The following MAGI2 variants were observed in gnomAD, a reference collection of about 807,000 sequenced individuals.
MAGI2 encodes membrane associated guanylate kinase, WW and PDZ domain containing 2.
In MAGI2, 35 loss-of-function variants were observed where a neutral mutation model predicts 133.3. The observed-to-expected ratio is 0.26, with a 90% CI of 0.20 to 0.35. The LOEUF is 0.35. Among genes scored for constraint, MAGI2 ranks in the 10% least tolerant of loss-of-function variants. The probability of loss-of-function intolerance (pLI) is 1.00; values close to 1 mark genes in which losing one functional copy is unlikely to be tolerated. For synonymous variants in MAGI2, 729 were observed against 710.6 expected (o/e 1.03, Z -0.41); for missense variants, 1,636 against 1,863.4 (o/e 0.88, Z 2.25).
At chr7:79,211,862 T>C (rs972529591) in intron 1 of MAGI2, among the ~76,000 whole-genome samples, 2 of 152,048 alleles carry the variant, frequency 1.3e-5, no homozygotes, top group Non-Finnish European at 2.9e-5. Flanking sequence ...TAGAGTGATA[T>C]GCCCTTTTGA....
At chr7:78,194,400 T>C (rs1219050223) in intron 12 of MAGI2, among the ~76,000 whole-genome samples, 1 of 152,204 alleles carries the variant, frequency 6.6e-6, no homozygotes, top group Non-Finnish European at 1.5e-5. Context: ...AGATCAGTAC[T>C]GCATTCGAAA....
At chr7:78,782,766 C>T (rs1417821289) in intron 2 of MAGI2, among the ~76,000 whole-genome samples, 1 of 152,034 alleles carries the variant, frequency 6.6e-6, no homozygotes, top group Non-Finnish European at 1.5e-5. Context: ...AAACGTGGTG[C>T]CGAACAGCTT....
intron 6 of MAGI2, among the ~76,000 whole-genome samples, chr7:78,387,840 C>T (rs367935814): frequency 6.6e-6 from 1 of 151,950 alleles, no homozygotes; most frequent in East Asian, 1.9e-4. Flanking sequence ...GTGGGAGGAG[C>T]GCTTAAGCCC....
chr7:79,128,474 A>T (rs1197390120), intron 1 of MAGI2, among the ~76,000 whole-genome samples: 2 of 152,200 alleles, frequency 1.3e-5, no homozygotes, highest in African/African-American at 4.8e-5. Context: ...ACACAGTGTC[A>T]CTGTCACTGT....
chr7:78,270,856 C>T (rs1794495554), intron 9 of MAGI2, among the ~76,000 whole-genome samples: 1 of 152,186 alleles, frequency 6.6e-6, no homozygotes, highest in Non-Finnish European at 1.5e-5. Context: ...AGCAACACGT[C>T]TTATTTATTC....
chr7:78,175,597 G>A (rs552003009), intron 14 of MAGI2, among the ~76,000 whole-genome samples: 2 of 152,260 alleles, frequency 1.3e-5, no homozygotes, highest in Admixed American at 6.5e-5. Context: ...AGTGCACGGC[G>A]AACCTACTAC....
chr7:78,576,032 G>A (rs1243067686), intron 3 of MAGI2, among the ~76,000 whole-genome samples: 4 of 151,920 alleles, frequency 2.6e-5, no homozygotes, highest in Non-Finnish European at 4.4e-5. Flanking sequence ...TACTATTTTT[G>A]TACATAAATA....
chr7:78,399,467 AT>A (rs1237388693), intron 6 of MAGI2, among the ~76,000 whole-genome samples: 1 of 152,174 alleles, frequency 6.6e-6, no homozygotes, highest in Non-Finnish European at 1.5e-5. Context: ...AAGAAGCACT[AT>A]TTGCATCAGT....
chr7:78,876,187 G>T (rs1483661055), intron 2 of MAGI2, among the ~76,000 whole-genome samples: 2 of 151,850 alleles, frequency 1.3e-5, no homozygotes. Flanking sequence ...GCCAGGTGTG[G>T]TGGTGGGCAC....
At chr7:78,535,875 C>A (rs79722559) in intron 3 of MAGI2, among the ~76,000 whole-genome samples, 1 of 124,234 alleles carries the variant, frequency 8.0e-6, no homozygotes, top group Non-Finnish European at 1.8e-5. Flanking sequence ...TGTGTACACC[C>A]CCCCCGCCCA....
intron 9 of MAGI2, among the ~76,000 whole-genome samples, chr7:78,325,294 G>A (rs1035201009): frequency 6.6e-6 from 1 of 152,142 alleles, no homozygotes; most frequent in African/African-American, 2.4e-5. Context: ...CTATGAAACT[G>A]AGAACCAATT....
At chr7:79,236,443 G>T (rs187544212) in intron 1 of MAGI2, among the ~76,000 whole-genome samples, 1 of 152,184 alleles carries the variant, frequency 6.6e-6, no homozygotes, top group African/African-American at 2.4e-5. Flanking sequence ...CAATAATTGC[G>T]TATAAGGCTG....
intron 3 of MAGI2, among the ~76,000 whole-genome samples, chr7:78,560,280 G>A (rs184086846): frequency 6.6e-6 from 1 of 152,302 alleles, no homozygotes. Context: ...AGTGACAGCA[G>A]AATATTCATG....
intron 1 of MAGI2, among the ~76,000 whole-genome samples, chr7:79,397,549 A>G (rs1004152439): frequency 6.6e-6 from 1 of 152,088 alleles, no homozygotes; most frequent in Non-Finnish European, 1.5e-5. Context: ...ATTTCTAAAA[A>G]TTACCTTATA....
chr7:78,254,622 C>G (rs541740172), intron 10 of MAGI2: 19 of 152,310 alleles, frequency 1.2e-4, no homozygotes, highest in Middle Eastern at 3.4e-3. Flanking sequence ...CTGGTGTTTG[C>G]TGTCCGTTTC....
At position 78,509,157 on chromosome 7, in the gene MAGI2, A is replaced by G. The variant is rs144095614; in HGVS notation, c.755-7370T>C. ...ATTTTTTTTTTTCACTGACAATAAA[A>G]ACAAAGAATATTTCAGTAAAGAAGA... On this transcript the variant is annotated intron_variant, in intron 4 of 21. Coordinates refer to ENST00000354212, the MANE Select transcript of MAGI2 (RefSeq NM_012301.4). 1.5e-3 allele frequency among the ~76,000 whole-genome samples: 226 copies of G among 152,252 alleles called. 1 individual carries two copies. Among genetic ancestry groups the G allele is most frequent in the African/African-American group, 5.1e-3 (211 of 41,548 alleles).
At chr7:78,197,859 G>A (rs1828873744) in intron 11 of MAGI2, 1 of 152,462 alleles carries the variant, frequency 6.6e-6, no homozygotes, top group Non-Finnish European at 1.5e-5. Context: ...AAGACCATGG[G>A]ACAAACCACC....
chr7:78,292,462 T>C (rs1161088918), intron 9 of MAGI2, among the ~76,000 whole-genome samples: 1 of 152,218 alleles, frequency 6.6e-6, no homozygotes, highest in Non-Finnish European at 1.5e-5. Context: ...GAACATTCCA[T>C]GCTCATGGGT....
At chr7:78,119,945 T>G (rs1820267097) in intron 20 of MAGI2, among the ~76,000 whole-genome samples, 1 of 152,216 alleles carries the variant, frequency 6.6e-6, no homozygotes, top group African/African-American at 2.4e-5. Flanking sequence ...TTTGCAGGTA[T>G]GTTATGGAAA....
Sources: gnomAD v4.1 joint callset for allele counts (sites outside exome capture counted in the v4.1 genomes callset) on GRCh38, gnomAD v4.1.1 for gene constraint, MANE v1.5 for transcripts, NCBI Gene and HGNC (gene_info 2026-07-23, HGNC 2026-07-21) for gene names.